The following GLCCI1 variants were observed in gnomAD, a reference collection of about 807,000 sequenced individuals.
GLCCI1 encodes the protein glucocorticoid induced 1.
A neutral mutation model predicts 52.2 loss-of-function variants in GLCCI1; 24 were observed. That is an observed-to-expected ratio of 0.46 (90% CI 0.33 to 0.65). The LOEUF (loss-of-function observed/expected upper bound fraction) is 0.65. GLCCI1 is among the 30% of genes least tolerant of loss of function. GLCCI1 has a pLI of 0.02. For missense variants in GLCCI1, 704 were observed against 701.5 expected (o/e 1.00, Z -0.04); for synonymous variants, 310 against 276.5 (o/e 1.12, Z -1.20).
At position 7,991,519 on chromosome 7, in the gene GLCCI1, A is replaced by C. The variant is rs554614371; in HGVS notation, c.458-12389A>C. ...ATTGTCCTTTTGTAGAGATTCCATA[A>C]TATTAATAGCCATAATCAGCTTTTT... is the stretch of plus-strand genomic sequence containing the variant. On this transcript the variant is annotated intron_variant, in intron 1 of 7. Coordinates refer to ENST00000223145, the MANE Select transcript of GLCCI1 (RefSeq NM_138426.4). Among the ~76,000 whole-genome samples, 4 of 152,182 alleles carry C rather than the reference A, an allele frequency of 2.6e-5. 1 individual carries two copies. Among genetic ancestry groups the C allele is most frequent in the Admixed American group, 2.6e-4 (4 of 15,276 alleles).
At chr7:8,018,376 A>G (rs892397933) in intron 2 of GLCCI1, among the ~76,000 whole-genome samples, 1 of 152,202 alleles carries the variant, frequency 6.6e-6, no homozygotes, top group Non-Finnish European at 1.5e-5. Flanking sequence ...TGATAAAACT[A>G]AAAAGCATAT....
intron 3 of GLCCI1, among the ~76,000 whole-genome samples, chr7:8,028,644 A>G (rs1781679786): frequency 6.6e-6 from 1 of 152,154 alleles, no homozygotes; most frequent in Admixed American, 6.5e-5. Flanking sequence ...TGAAATGAAG[A>G]CAACACTACA....
chr7:7,969,172 G>A lies in GLCCI1; in HGVS notation c.-179G>A, dbSNP rs1780278660. ...CGCAGCCTTCCCCTCCCCCCTCGCC[G>A]AGGCGGCGGGGGTGTGCGTTGGGGA... On this transcript the variant is annotated 5_prime_UTR_variant, in exon 1 of 8. Coordinates refer to ENST00000223145, the MANE Select transcript of GLCCI1 (RefSeq NM_138426.4). This position sits in a 1 kb window ranked among gnomAD's most constrained non-coding sequence, Gnocchi z 4.9. The A allele has an allele frequency of 2.0e-6, 1 of 509,994 alleles. No homozygotes were observed. The highest frequency in any genetic ancestry group is 2.7e-6 in the Non-Finnish European group (1 of 372,422). The allele number at this position is 509,994 out of a possible 1,614,324, so 31.6% of individuals were successfully genotyped here.
intron 6 of GLCCI1, among the ~76,000 whole-genome samples, chr7:8,076,399 G>GAGTT (rs1782877984): frequency 6.6e-6 from 1 of 152,090 alleles, no homozygotes; most frequent in Non-Finnish European, 1.5e-5. Context: ...TCCAACAAAG[G>GAGTT]AGTTAGTCTA....
chr7:8,025,279 G>T (rs1781590525), intron 3 of GLCCI1, among the ~76,000 whole-genome samples: 1 of 152,146 alleles, frequency 6.6e-6, no homozygotes, highest in African/African-American at 2.4e-5. Flanking sequence ...GGCAGAGCTT[G>T]CAGTGAGCCA....
chr7:8,000,183 A>C (rs913097269), intron 1 of GLCCI1, among the ~76,000 whole-genome samples: 4 of 152,190 alleles, frequency 2.6e-5, no homozygotes, highest in African/African-American at 4.8e-5. Flanking sequence ...GTTTCTTCGC[A>C]GTGGAAGGAA....
intron 5 of GLCCI1, among the ~76,000 whole-genome samples, chr7:8,061,082 C>T (rs1243412354): frequency 6.7e-6 from 1 of 149,930 alleles, no homozygotes; most frequent in East Asian, 1.9e-4. Flanking sequence ...TGTTAAGCAT[C>T]TTTTCATGTG....
At chr7:8,019,221 C>A (rs149378914) in intron 2 of GLCCI1, among the ~76,000 whole-genome samples, 12 of 152,164 alleles carry the variant, frequency 7.9e-5, no homozygotes, top group African/African-American at 2.6e-4. Flanking sequence ...TTTGTGTTGT[C>A]CTATATGACA....
In GLCCI1 at chr7:7,975,853, T is replaced by C. The variant is rs538512278; in HGVS notation, c.457+6046T>C. Among the ~76,000 whole-genome samples the C allele has an allele frequency of 3.9e-4, 60 of 152,360 alleles. No homozygotes were observed. In the South Asian group the frequency reaches 0.011, roughly 29 times the overall value. ...GTTTCTGAAGATAGGAACATGATTG[T>C]ATCTGGGCTTTCTTGTGTGTATTCA... On this transcript the variant is annotated intron_variant, in intron 1 of 7. Coordinates refer to ENST00000223145, the MANE Select transcript of GLCCI1 (RefSeq NM_138426.4).
intron 4 of GLCCI1, among the ~76,000 whole-genome samples, chr7:8,059,758 G>A (rs546450867): frequency 3.9e-5 from 6 of 152,270 alleles, no homozygotes; most frequent in South Asian, 2.1e-4. Context: ...TTTAAGTTAC[G>A]TGACTTCAAC....
chr7:7,976,260 CTTGAGA>C (rs1390336172), intron 1 of GLCCI1, among the ~76,000 whole-genome samples: 1 of 151,946 alleles, frequency 6.6e-6, no homozygotes, highest in Non-Finnish European at 1.5e-5. Flanking sequence ...GGGCAGATTA[CTTGAGA>C]TCAGGAGTTT....
rs371750678 is a variant in GLCCI1, at chr7:8,027,423, G to C, written c.696+4854G>C. ...GAATCGCTTGAGCCTGGGAGGTGGA[G>C]GTTGCAGTGAGCCAAGATCGCACCA... On this transcript the variant is annotated intron_variant, in intron 3 of 7. Coordinates refer to ENST00000223145, the MANE Select transcript of GLCCI1 (RefSeq NM_138426.4). 2.0e-5 allele frequency among the ~76,000 whole-genome samples: 3 copies of C among 152,150 alleles called. No individual in the cohort carries two copies. In the South Asian group the frequency reaches 6.2e-4, roughly 32 times the overall value.
intron 5 of GLCCI1, among the ~76,000 whole-genome samples, chr7:8,068,018 T>C (rs1330195214): frequency 6.6e-6 from 1 of 152,160 alleles, no homozygotes; most frequent in Non-Finnish European, 1.5e-5. Context: ...CTTTACATAG[T>C]ATTTCTCAGA....
At chr7:8,019,754 C>T (rs1000895835) in intron 2 of GLCCI1, among the ~76,000 whole-genome samples, 4 of 151,942 alleles carry the variant, frequency 2.6e-5, no homozygotes, top group East Asian at 1.9e-4. Context: ...GCAACTGTAA[C>T]GTAGTGATAT....
intron 1 of GLCCI1, among the ~76,000 whole-genome samples, chr7:7,994,264 A>G (rs1287439609): frequency 6.6e-6 from 1 of 152,202 alleles, no homozygotes; most frequent in African/African-American, 2.4e-5. Context: ...AAATAAATAA[A>G]TAAAGTAGCT....
intron 2 of GLCCI1, among the ~76,000 whole-genome samples, chr7:8,018,435 G>A (rs1256762635): frequency 6.6e-6 from 1 of 152,158 alleles, no homozygotes; most frequent in African/African-American, 2.4e-5. Flanking sequence ...AAAGCACCCA[G>A]TATTTAAGCT....
chr7:7,981,127 A>G (rs1181712284), intron 1 of GLCCI1: 8 of 463,742 alleles, frequency 1.7e-5, no homozygotes, highest in East Asian at 6.3e-5. Context: ...TGTGTATGCA[A>G]ATTGAATCCA....
chr7:7,976,496 A>AAAAAAAAAAAAAAAAG (rs1562413199), intron 1 of GLCCI1, among the ~76,000 whole-genome samples: 2 of 143,754 alleles, frequency 1.4e-5, no homozygotes, highest in African/African-American at 5.5e-5. Flanking sequence ...AAAAAAAAAA[A>AAAAAAAAAAAAAAAAG]AAGGAAAGGA....
rs111879435 is a variant in GLCCI1 at position 8,042,333 on chromosome 7, G to A, written c.697-13100G>A. Among the ~76,000 whole-genome samples the A allele has an allele frequency of 2.6e-4, 39 of 152,210 alleles. 1 individual carries two copies. Among genetic ancestry groups the A allele is most frequent in the African/African-American group, 5.8e-4 (24 of 41,534 alleles). On this transcript the variant is annotated intron_variant, in intron 3 of 7. Transcript: ENST00000223145. ...GGGCAGAGTAAATTGAAAACCTTCT[G>A]GAAAGGATTCACCATTCTAGATGCC...
Sources: allele counts gnomAD v4.1 joint callset (sites outside exome capture counted in the v4.1 genomes callset), GRCh38; gene constraint gnomAD v4.1.1; non-coding constraint Gnocchi (gnomAD v3.1); transcripts MANE v1.5; gene names NCBI Gene and HGNC (gene_info 2026-07-23, HGNC 2026-07-21).